PCDHGB2: variants seen among roughly 807,000 people sequenced by gnomAD.
The protein encoded by PCDHGB2 is protocadherin gamma-B2.
PCDHGB2 carries 55 observed loss-of-function variants against 59.3 expected under a neutral mutation model. The observed-to-expected ratio is 0.93, with a 90% confidence interval of 0.75 to 1.16. The LOEUF is 1.16. Ranked by LOEUF, PCDHGB2 falls within the 50% of genes most tolerant of loss-of-function variation. The probability of loss-of-function intolerance (pLI) is 0.00; values close to 1 mark genes in which losing one functional copy is unlikely to be tolerated. For synonymous variants in PCDHGB2, 516 were observed against 512.0 expected (o/e 1.01, Z -0.11); for missense variants, 1,228 against 1,198.5 (o/e 1.02, Z -0.36).
At position 141,477,579 on chromosome 5, in the gene PCDHGB2, A is replaced by G. The variant is rs774773400; in HGVS notation, c.2422-17228A>G. The stretch of plus-strand genomic sequence containing the variant: ...AGTGTCTGGGACCCCGACGCCCCGC[A>G]GAATGCTCGGCTTTCTTTCTTTCTC... On this transcript the variant is annotated intron_variant, in intron 1 of 3. Coordinates refer to ENST00000522605, the MANE Select transcript of PCDHGB2 (RefSeq NM_018923.3). The surrounding 1 kb of genome is among the most constrained non-coding windows in gnomAD (Gnocchi z 4.9). The G allele has an allele frequency of 1.7e-5, 27 of 1,614,036 alleles. No individual in the cohort carries two copies. The highest frequency in any genetic ancestry group is 2.0e-5 in the Non-Finnish European group (24 of 1,180,036).
chr5:141,453,791 A>G (rs979646024), intron 1 of PCDHGB2, among the ~76,000 whole-genome samples: 2 of 152,268 alleles, frequency 1.3e-5, no homozygotes, highest in African/African-American at 2.4e-5. Context: ...ATGGTATATT[A>G]ACTTTGAGTA....
chr5:141,451,813 G>A (rs921877961), intron 1 of PCDHGB2, among the ~76,000 whole-genome samples: 13 of 150,788 alleles, frequency 8.6e-5, no homozygotes, highest in East Asian at 2.0e-4. Context: ...CCCAGGAGGC[G>A]GAGGTTACAG....
At chr5:141,409,904 G>A in intron 1 of PCDHGB2, 3 of 1,613,278 alleles carry the variant, frequency 1.9e-6, no homozygotes, top group Non-Finnish European at 2.5e-6. Flanking sequence ...CCCAGCTCTG[G>A]GTCCTGACGG....
rs553860713 is a variant in PCDHGB2, at chr5:141,410,124, G to C, written c.2421+47568G>C. On this transcript the variant is annotated intron_variant, in intron 1 of 3. Coordinates refer to ENST00000522605, the MANE Select transcript of PCDHGB2 (RefSeq NM_018923.3). ...GGCGACAGGGACGCAGCCCGCCAGC[G>C]CCTGCTGGTCGCTGTGCGTGACGGT... is the stretch of plus-strand genomic sequence containing the variant. 1.2e-5 allele frequency: 20 copies of C among 1,612,726 alleles called. No homozygotes were observed. In the South Asian group the frequency reaches 2.2e-4, roughly 18 times the overall value.
chr5:141,503,608 A>G (rs1451651299), intron 2 of PCDHGB2, among the ~76,000 whole-genome samples: 3 of 151,994 alleles, frequency 2.0e-5, no homozygotes, highest in South Asian at 2.1e-4. Flanking sequence ...CAAAAAAAAA[A>G]AAAAAAGAAA....
At chr5:141,428,020 C>A (rs1443722620) in intron 1 of PCDHGB2, 1 of 1,605,408 alleles carries the variant, frequency 6.2e-7, no homozygotes, top group Admixed American at 1.7e-5. Context: ...GTGCCACGCG[C>A]CGCAGAGTCC....
intron 1 of PCDHGB2, chr5:141,378,086 T>G (rs1774615238): frequency 6.6e-6 from 1 of 150,862 alleles, no homozygotes. Context: ...TTTTATAACT[T>G]TTTTTCAAAC....
intron 1 of PCDHGB2, chr5:141,428,035 A>C (rs776717344): frequency 6.2e-7 from 1 of 1,607,926 alleles, no homozygotes; most frequent in Non-Finnish European, 8.5e-7. Context: ...GAGTCCGGCT[A>C]CCTGGTGACC....
chr5:141,403,487 T>C, intron 1 of PCDHGB2: 1 of 1,613,930 alleles, frequency 6.2e-7, no homozygotes. Flanking sequence ...TCACCACTTC[T>C]CCCTGAACGT....
At chr5:141,376,041 C>G (rs781158382) in intron 1 of PCDHGB2, 1 of 1,613,218 alleles carries the variant, frequency 6.2e-7, no homozygotes, top group Non-Finnish European at 8.5e-7. Flanking sequence ...GGCCAGCCCC[C>G]TCTCTCCGCC....
chr5:141,423,744 A>T, intron 1 of PCDHGB2: 4 of 429,458 alleles, frequency 9.3e-6, no homozygotes, highest in Non-Finnish European at 8.7e-6. Context: ...TGTTATGAAA[A>T]CTGTTTGGGG....
rs146235929 is a variant in PCDHGB2 at position 141,511,610 on chromosome 5, C to A, written c.*437C>A. On this transcript the variant is annotated 3_prime_UTR_variant, in exon 4 of 4. Transcript: ENST00000522605. ...GAAGTACCAAGTAACCTACAAGCCT[C>A]CTAGTTCTGAAAAGTTGGAAGGGCA... 1.0e-3 allele frequency: 247 copies of A among 237,682 alleles called. 1 individual carries two copies. The highest frequency in any genetic ancestry group is 5.2e-3 in the African/African-American group (235 of 45,400). The allele number at this position is 237,682 out of a possible 1,614,324, so 14.7% of individuals were successfully genotyped here. A position where few individuals can be genotyped will look rare whatever the true frequency, so the allele number is the denominator to read the frequency against.
chr5:141,385,107 C>T, intron 1 of PCDHGB2: 1 of 1,614,178 alleles, frequency 6.2e-7, no homozygotes, highest in Non-Finnish European at 8.5e-7. Context: ...CGAACGTGCC[C>T]ACCTCGCACT....
rs1312101699 is a variant in PCDHGB2 at position 141,421,245 on chromosome 5, G to C, written c.2421+58689G>C. ...AGCCTGCCATGGCGAATCGGCTACA[G>C]CGCGGGGACCGCAGTCGGCTGCTGC... On this transcript the variant is annotated intron_variant, in intron 1 of 3. Coordinates refer to ENST00000522605, the MANE Select transcript of PCDHGB2 (RefSeq NM_018923.3). 6.2e-7 allele frequency: 1 copy of C among 1,603,936 alleles called. No homozygotes were observed. The highest frequency in any genetic ancestry group is 8.5e-7 in the Non-Finnish European group (1 of 1,176,330).
chr5:141,381,758 A>C (rs1777407424), intron 1 of PCDHGB2, among the ~76,000 whole-genome samples: 1 of 151,374 alleles, frequency 6.6e-6, no homozygotes. Context: ...TTGTTCTACT[A>C]CTATATAATC....
At chr5:141,382,679 C>G in intron 1 of PCDHGB2, 1 of 439,974 alleles carries the variant, frequency 2.3e-6, no homozygotes, top group South Asian at 6.8e-5. Flanking sequence ...GTTCACCAAC[C>G]AGGGAAAAAT....
In PCDHGB2 at chr5:141,511,197, C is replaced by A; in HGVS notation, c.*24C>A. 1 of 1,613,140 alleles carries A rather than the reference C, an allele frequency of 6.2e-7. No individual in the cohort carries two copies. Among genetic ancestry groups the A allele is most frequent in the Non-Finnish European group, 8.5e-7 (1 of 1,179,524 alleles). Reference sequence around the variant, plus strand: ...AACATGGAGGCCAGGCCAAGAGCCACAGGGCGGCCTCTCCCCAACCAGCCC... The same window carrying A: ...AACATGGAGGCCAGGCCAAGAGCCAAAGGGCGGCCTCTCCCCAACCAGCCC... On this transcript the variant is annotated 3_prime_UTR_variant, in exon 4 of 4. Transcript: ENST00000522605.
chr5:141,511,823 G>A lies in PCDHGB2; in HGVS notation c.*650G>A, dbSNP rs1490513046. On this transcript the variant is annotated 3_prime_UTR_variant, in exon 4 of 4. Transcript: ENST00000522605. ...TTTTGCTACCAAGCCTCTTCCCAACGCCCTGGGGACCAGTCTTCTGTTTTG... is the reference window on the plus strand; with the variant it reads ...TTTTGCTACCAAGCCTCTTCCCAACACCCTGGGGACCAGTCTTCTGTTTTG... 4 of 156,728 alleles carry A rather than the reference G, an allele frequency of 2.6e-5. No homozygotes were observed. The highest frequency in any genetic ancestry group is 3.2e-3 in the Middle Eastern group (1 of 316). 9.7% of individuals were successfully genotyped at this position (156,728 alleles called of 1,614,324 possible). A position where few individuals can be genotyped will look rare whatever the true frequency, so the allele number is the denominator to read the frequency against.
intron 1 of PCDHGB2, among the ~76,000 whole-genome samples, chr5:141,368,730 A>G (rs1166595138): frequency 6.6e-6 from 1 of 152,208 alleles, no homozygotes; most frequent in Non-Finnish European, 1.5e-5. Context: ...TATGTACTGT[A>G]TATACCATAT....
Sources: allele counts gnomAD v4.1 joint callset (sites outside exome capture counted in the v4.1 genomes callset), GRCh38; gene constraint gnomAD v4.1.1; non-coding constraint Gnocchi (gnomAD v3.1); transcripts MANE v1.5; gene names NCBI Gene and HGNC (gene_info 2026-07-23, HGNC 2026-07-21).